Variants in QNG1 observed in about 807,000 individuals in gnomAD.
QNG1 encodes Q-nucleotide N-glycosylase 1, also known as queuosine 5'-phosphate N-glycosylase/hydrolase.
the QNG1 span, chr9:83,956,296 A>G: frequency 3.7e-6 from 6 of 1,614,042 alleles, no homozygotes; most frequent in Admixed American, 1.7e-5. Flanking sequence ...TCTGTCACGA[A>G]CACCCAGTTG....
chr9:83,954,749 G>A, the QNG1 span, among the ~76,000 whole-genome samples: 2 of 144,532 alleles, frequency 1.4e-5, no homozygotes, highest in East Asian at 2.1e-4. Flanking sequence ...GCGCAGTGGC[G>A]GGCACCTGTA....
chr9:83,954,031 A>G, the QNG1 span, among the ~76,000 whole-genome samples: 2 of 152,090 alleles, frequency 1.3e-5, no homozygotes, highest in Non-Finnish European at 2.9e-5. Flanking sequence ...AGTAGCTGGG[A>G]CTACAGGTGC....
chr9:83,943,199 G>T, the QNG1 span, among the ~76,000 whole-genome samples: 1 of 151,866 alleles, frequency 6.6e-6, no homozygotes, highest in Admixed American at 6.6e-5. Context: ...AATTAGCCAG[G>T]CATCGTGGCA....
chr9:83,956,226 C>G, the QNG1 span: 1 of 1,613,984 alleles, frequency 6.2e-7, no homozygotes. Flanking sequence ...TGTTTTCCCT[C>G]TGTACCTCAC....
chr9:83,949,367 G>A, the QNG1 span, among the ~76,000 whole-genome samples: 1 of 152,318 alleles, frequency 6.6e-6, no homozygotes, highest in East Asian at 1.9e-4. Context: ...GACATGGCTG[G>A]GTGCAGTGGC....
the QNG1 span, chr9:83,938,513 T>C: frequency 6.6e-6 from 1 of 152,070 alleles, no homozygotes; most frequent in African/African-American, 2.4e-5. Flanking sequence ...TTATACCAAA[T>C]GATTAAGGTA....
the QNG1 span, chr9:83,953,712 C>CGGT: frequency 1.1e-6 from 1 of 948,602 alleles, no homozygotes; most frequent in Non-Finnish European, 1.6e-6. Context: ...GGCTGGAGTG[C>CGGT]GGTGGCGTAA....
chr9:83,951,931 A>T, the QNG1 span, among the ~76,000 whole-genome samples: 2 of 152,226 alleles, frequency 1.3e-5, no homozygotes, highest in Non-Finnish European at 2.9e-5. Context: ...ATGAATGATA[A>T]TCTCAGTAAA....
the QNG1 span, among the ~76,000 whole-genome samples, chr9:83,946,825 C>A: frequency 6.6e-6 from 1 of 152,198 alleles, no homozygotes; most frequent in Non-Finnish European, 1.5e-5. Context: ...TCTCAAACTC[C>A]TGACCTCAGG....
the QNG1 span, among the ~76,000 whole-genome samples, chr9:83,949,172 T>A: frequency 6.6e-6 from 1 of 151,898 alleles, no homozygotes; most frequent in African/African-American, 2.4e-5. Flanking sequence ...TGGTGTAATG[T>A]CTCTAAATTA....
the QNG1 span, among the ~76,000 whole-genome samples, chr9:83,949,933 A>G: frequency 4.6e-5 from 7 of 151,138 alleles, no homozygotes; most frequent in Non-Finnish European, 8.8e-5. Flanking sequence ...GTAGCAGACT[A>G]GTATATATAA....
the QNG1 span, among the ~76,000 whole-genome samples, chr9:83,944,534 T>C: frequency 4.6e-5 from 7 of 152,234 alleles, no homozygotes; most frequent in Admixed American, 2.6e-4. Flanking sequence ...CATACTTTCA[T>C]GTAACATAAA....
At chr9:83,939,531 T>C in the QNG1 span, 1 of 1,612,954 alleles carries the variant, frequency 6.2e-7, no homozygotes, top group East Asian at 2.2e-5. Context: ...ATGCAACGTA[T>C]GCGATGAAAC....
the QNG1 span, among the ~76,000 whole-genome samples, chr9:83,946,178 G>A: frequency 6.6e-5 from 10 of 151,684 alleles, no homozygotes; most frequent in South Asian, 2.1e-4. Flanking sequence ...GGTGGCGATC[G>A]CCTGTAGTCT....
the QNG1 span, among the ~76,000 whole-genome samples, chr9:83,945,826 T>C: frequency 6.6e-6 from 1 of 151,890 alleles, no homozygotes; most frequent in Non-Finnish European, 1.5e-5. Context: ...ATGGTCTCGA[T>C]CTCCTGACCT....
chr9:83,948,583 T>C, the QNG1 span, among the ~76,000 whole-genome samples: 2 of 151,980 alleles, frequency 1.3e-5, no homozygotes, highest in Non-Finnish European at 2.9e-5. Flanking sequence ...CGCCACCACG[T>C]CTGGGAGGCA....
the QNG1 span, among the ~76,000 whole-genome samples, chr9:83,945,848 C>T: frequency 2.6e-5 from 4 of 151,966 alleles, no homozygotes; most frequent in Admixed American, 6.6e-5. Flanking sequence ...GTGATCTGCC[C>T]GCTTCGGCCT....
chr9:83,945,692 C>T, the QNG1 span, among the ~76,000 whole-genome samples: 1 of 152,016 alleles, frequency 6.6e-6, no homozygotes, highest in Non-Finnish European at 1.5e-5. Context: ...AGCTCCGCCT[C>T]CTGGGTTCAC....
chr9:83,951,030 G>C, the QNG1 span, among the ~76,000 whole-genome samples: 1 of 152,196 alleles, frequency 6.6e-6, no homozygotes, highest in African/African-American at 2.4e-5. Context: ...CACTTTGGGA[G>C]GGAGGCCGAG....
Sources: allele counts gnomAD v4.1 joint callset (sites outside exome capture counted in the v4.1 genomes callset), GRCh38; gene constraint gnomAD v4.1.1; transcripts MANE v1.5; gene names NCBI Gene and HGNC (gene_info 2026-07-23, HGNC 2026-07-21).